Variants in CLPTM1 observed in about 807,000 individuals in gnomAD.
CLPTM1 encodes putative lipid scramblase CLPTM1.
In CLPTM1, 21 loss-of-function variants were observed where a neutral mutation model predicts 77.3. The ratio of observed to expected loss-of-function variants is 0.27; its 90% CI spans 0.19 to 0.39. The LOEUF is 0.39. CLPTM1 is among the 10% of genes least tolerant of loss of function. CLPTM1 has a pLI of 1.00. For missense variants in CLPTM1, 642 were observed against 921.2 expected (o/e 0.70, Z 3.92); for synonymous variants, 373 against 381.0 (o/e 0.98, Z 0.24).
chr19:44,981,808 G>C (rs1250428034), intron 5 of CLPTM1, among the ~76,000 whole-genome samples: 1 of 151,896 alleles, frequency 6.6e-6, no homozygotes, highest in Non-Finnish European at 1.5e-5. Flanking sequence ...CTACTCGGGA[G>C]CCTGAGGTAG....
Position 44,973,171 on chromosome 19 carries a change from C to T in CLPTM1, c.270C>T (p.Arg90=), listed in dbSNP as rs756180905. 3.0e-5 allele frequency: 49 copies of T among 1,613,860 alleles called. No individual in the cohort carries two copies. The highest frequency in any genetic ancestry group is 1.3e-4 in the Admixed American group (8 of 60,004). ...AGGCGGGCCCCGGAGGAGCTCCACGCGTCGCCAGCCGCAACCTGTTCCCCA... is the reference window on the plus strand; with the variant it reads ...AGGCGGGCCCCGGAGGAGCTCCACGTGTCGCCAGCCGCAACCTGTTCCCCA... The part of the protein sequence containing the change: ...QDQAGPGGAP[R]VASRNLFPKD... Residue 90 remains arginine (R), a synonymous_variant, in exon 3 of 14, where the codon CGC becomes CGT. Transcript: ENST00000337392.
chr19:44,984,262 A>G (rs204473), intron 5 of CLPTM1: 149,894 of 152,408 alleles, frequency 0.98, 73,719 homozygotes, highest in East Asian at 1. Context: ...CCCCATGTGT[A>G]TTCAAACAGG....
chr19:44,961,508 C>A (rs1568640845), intron 1 of CLPTM1, among the ~76,000 whole-genome samples: 2 of 152,186 alleles, frequency 1.3e-5, no homozygotes, highest in African/African-American at 4.8e-5. Context: ...TGCCTCTAAT[C>A]TTCTGTTTCT....
At position 44,961,927 on chromosome 19, in the gene CLPTM1, A is replaced by G. The variant is rs112508218; in HGVS notation, c.73-36A>G. On this transcript the variant is annotated intron_variant, in intron 1 of 13. Transcript: ENST00000337392. ...GGTGTCTAAGACAGCCCCCGTGTCCATTCTCCCTCCTTACCCTGGCCTCTG... is the reference window on the plus strand; with the variant it reads ...GGTGTCTAAGACAGCCCCCGTGTCCGTTCTCCCTCCTTACCCTGGCCTCTG... 2.0e-3 allele frequency: 2,846 copies of G among 1,455,486 alleles called. 46 individuals are homozygous for G. The African/African-American group carries it at 0.036, about 19-fold the overall frequency. 90.2% of individuals were successfully genotyped at this position (1,455,486 alleles called of 1,614,324 possible).
chr19:44,976,092 C>A (rs902073416), intron 4 of CLPTM1, among the ~76,000 whole-genome samples: 5 of 152,074 alleles, frequency 3.3e-5, no homozygotes, highest in African/African-American at 1.2e-4. Flanking sequence ...TCTGCTCAAG[C>A]GATCCTCTCA....
At chr19:44,976,633 C>G (rs1329491502) in intron 4 of CLPTM1, among the ~76,000 whole-genome samples, 8 of 152,174 alleles carry the variant, frequency 5.3e-5, no homozygotes, top group Non-Finnish European at 1.0e-4. Flanking sequence ...CTTGAAGCCT[C>G]AGTTTCCTCA....
chr19:44,987,117 G>A (rs2122325327), intron 7 of CLPTM1, 62 bp from the exon 8 acceptor site: 1 of 1,562,536 alleles, frequency 6.4e-7, no homozygotes, highest in Admixed American at 1.8e-5. Flanking sequence ...AGACATCTGA[G>A]GCCTGCGGGT....
rs1009798290 is a variant in CLPTM1 at position 44,983,640 on chromosome 19, A to G, written c.587-1578A>G. ...CTCAAAAAAAAAAAAAAAAAAAAAA[A>G]AAAAAGAAAAGAAAAAAGAAAAATA... On this transcript the variant is annotated intron_variant, in intron 5 of 13. Coordinates refer to ENST00000337392, the MANE Select transcript of CLPTM1 (RefSeq NM_001294.4). Among the ~76,000 whole-genome samples the G allele has an allele frequency of 1.4e-3, 202 of 148,686 alleles. 1 individual carries two copies. The highest frequency in any genetic ancestry group is 4.8e-3 in the African/African-American group (192 of 40,402).
chr19:44,964,510 C>T (rs1270057591), intron 2 of CLPTM1, among the ~76,000 whole-genome samples: 2 of 141,362 alleles, frequency 1.4e-5, no homozygotes, highest in Non-Finnish European at 3.1e-5. Flanking sequence ...GGGGTTTTGC[C>T]GTGTTGGCCA....
chr19:44,992,780 C>T lies in CLPTM1; in HGVS notation c.1893C>T (p.Thr631=), dbSNP rs533538751. 20 of 1,612,732 alleles carry T rather than the reference C, an allele frequency of 1.2e-5. No homozygotes were observed. Among genetic ancestry groups the T allele is most frequent in the African/African-American group, 5.3e-5 (4 of 75,034 alleles). The change falls in exon 14 of 14, where the codon ACC becomes ACT. Residue 631 remains threonine (T), a synonymous_variant. Coordinates refer to ENST00000337392, the MANE Select transcript of CLPTM1 (RefSeq NM_001294.4). This position sits in a 1 kb window ranked among gnomAD's most constrained non-coding sequence, Gnocchi z 7.7. ...CCACACCTGCACCCACCACGACCAC[C>T]GCCACCAGGGAGGAGGCCTCCACGT... The part of the protein sequence containing the change: ...LTPTPAPTTT[T]ATREEASTSL...
intron 1 of CLPTM1, among the ~76,000 whole-genome samples, chr19:44,961,135 T>G (rs1970537014): frequency 6.6e-6 from 1 of 152,184 alleles, no homozygotes; most frequent in South Asian, 2.1e-4. Flanking sequence ...TGGCTTCACC[T>G]CTCTGAGCCT....
chr19:44,988,322 G>A (rs1405789072), intron 9 of CLPTM1, 149 bp downstream of exon 9: 2 of 654,866 alleles, frequency 3.1e-6, no homozygotes, highest in Admixed American at 2.6e-5. Context: ...GCTGGGGAGG[G>A]GCAGTGGCCC....
In CLPTM1 at chr19:44,991,114, C is replaced by T; in HGVS notation, c.1420-124C>T. ...CTTCCCTGGGCGAGTCCGGAGTCCCCAGGGCTACCTGGAAATTCCCCCTGC... is the reference window on the plus strand; with the variant it reads ...CTTCCCTGGGCGAGTCCGGAGTCCCTAGGGCTACCTGGAAATTCCCCCTGC... On this transcript the variant is annotated intron_variant, in intron 11 of 13. Transcript: ENST00000337392. The surrounding 1 kb of genome is among the most constrained non-coding windows in gnomAD (Gnocchi z 5.4). 6.6e-7 allele frequency: 1 copy of T among 1,525,620 alleles called. No homozygotes were observed. The highest frequency in any genetic ancestry group is 1.7e-5 in the Admixed American group (1 of 57,188). The allele number at this position is 1,525,620 out of a possible 1,614,324, so 94.5% of individuals were successfully genotyped here.
At position 44,985,979 on chromosome 19, in the gene CLPTM1, G is replaced by A. The variant is rs537214938; in HGVS notation, c.673-476G>A. ...GGGAGGATCCTGTCGGTGGCCGGAAGGGTCCTGGGTGGCGGAATCTCTAAG... is the reference window on the plus strand; with the variant it reads ...GGGAGGATCCTGTCGGTGGCCGGAAAGGTCCTGGGTGGCGGAATCTCTAAG... On this transcript the variant is annotated intron_variant, in intron 6 of 13. Coordinates refer to ENST00000337392, the MANE Select transcript of CLPTM1 (RefSeq NM_001294.4). Among the ~76,000 whole-genome samples, 3 of 152,256 alleles carry A rather than the reference G, an allele frequency of 2.0e-5. No homozygotes were observed. The East Asian group carries it at 5.8e-4, about 29-fold the overall frequency.
chr19:44,963,592 T>A (rs544771032), intron 2 of CLPTM1, among the ~76,000 whole-genome samples: 1 of 152,056 alleles, frequency 6.6e-6, no homozygotes, highest in African/African-American at 2.4e-5. Context: ...CCCAAAGTGC[T>A]GCGATTACAG....
chr19:44,990,621 AG>A lies in CLPTM1; in HGVS notation c.1323+40del. 6.2e-7 allele frequency: 1 copy of A among 1,601,240 alleles called. No homozygotes were observed. The highest frequency in any genetic ancestry group is 8.5e-7 in the Non-Finnish European group (1 of 1,171,764). ...GGCGCCATGCTGTCTCGGGAGCTGC[AG>A]GGGTTGGGAGGGGGTAGTGTGGCCC... On this transcript the variant is annotated intron_variant, in intron 10 of 13. Transcript: ENST00000337392. This position sits in a 1 kb window ranked among gnomAD's most constrained non-coding sequence, Gnocchi z 4.8.
intron 9 of CLPTM1, among the ~76,000 whole-genome samples, chr19:44,988,399 TG>T (rs1280944352): frequency 6.6e-6 from 1 of 152,252 alleles, no homozygotes; most frequent in East Asian, 1.9e-4. Flanking sequence ...GGCCCGCTGG[TG>T]GGGCAGAGGC....
chr19:44,985,115 C>T (rs1306784129), intron 5 of CLPTM1, 103 bp from the exon 6 acceptor site: 1 of 749,254 alleles, frequency 1.3e-6, no homozygotes, highest in East Asian at 2.6e-5. Flanking sequence ...AAGGTGGATG[C>T]CAGGAGACCG....
At chr19:44,971,156 A>T (rs1970712042) in intron 2 of CLPTM1, among the ~76,000 whole-genome samples, 1 of 151,874 alleles carries the variant, frequency 6.6e-6, no homozygotes, top group Admixed American at 6.6e-5. Context: ...TAGGATTCCC[A>T]CTTTCCCTTC....
Sources: allele counts gnomAD v4.1 joint callset (sites outside exome capture counted in the v4.1 genomes callset), GRCh38; gene constraint gnomAD v4.1.1; non-coding constraint Gnocchi (gnomAD v3.1); transcripts MANE v1.5; gene names NCBI Gene and HGNC (gene_info 2026-07-23, HGNC 2026-07-21).